PRKN: variants seen among roughly 807,000 people sequenced by gnomAD.
PRKN encodes the protein parkin RBR E3 ubiquitin protein ligase.
Under a neutral mutation model 59.5 loss-of-function variants are expected in PRKN, and 56 were observed. The observed-to-expected ratio is 0.94, with a 90% CI of 0.76 to 1.18. The LOEUF (loss-of-function observed/expected upper bound fraction) is 1.18. Among genes scored for constraint, PRKN ranks in the 50% most tolerant of loss-of-function variants. The pLI is 0.00. For missense variants in PRKN, 657 were observed against 596.4 expected (o/e 1.10, Z -1.06); for synonymous variants, 250 against 222.1 (o/e 1.13, Z -1.12).
intron 9 of PRKN, among the ~76,000 whole-genome samples, chr6:161,511,858 C>T (rs909252531): frequency 2.0e-5 from 3 of 151,920 alleles, no homozygotes; most frequent in Admixed American, 1.3e-4. Context: ...GTGCAGAAAA[C>T]ATTAGTCTGG....
intron 4 of PRKN, among the ~76,000 whole-genome samples, chr6:162,068,620 T>C (rs936198961): frequency 6.6e-6 from 1 of 152,212 alleles, no homozygotes; most frequent in Non-Finnish European, 1.5e-5. Flanking sequence ...TTCCTTGCCA[T>C]GTGAGCTTCC....
intron 1 of PRKN, among the ~76,000 whole-genome samples, chr6:162,687,017 A>AT (rs1347284419): frequency 1.3e-5 from 2 of 151,096 alleles, no homozygotes; most frequent in African/African-American, 4.9e-5. Flanking sequence ...TTTATTTTTT[A>AT]TTTTTTTGGT....
intron 7 of PRKN, among the ~76,000 whole-genome samples, chr6:161,700,714 G>C (rs1377288206): frequency 6.6e-6 from 1 of 152,172 alleles, no homozygotes; most frequent in Non-Finnish European, 1.5e-5. Flanking sequence ...TTCTTACTGA[G>C]AGGACATTTT....
At chr6:161,506,191 T>C (rs1778163120) in intron 9 of PRKN, among the ~76,000 whole-genome samples, 1 of 151,982 alleles carries the variant, frequency 6.6e-6, no homozygotes, top group Non-Finnish European at 1.5e-5. Flanking sequence ...TTGTATCCTC[T>C]TTAATTTCAT....
chr6:162,220,654 G>GA (rs1777884729), intron 3 of PRKN, among the ~76,000 whole-genome samples: 1 of 151,686 alleles, frequency 6.6e-6, no homozygotes, highest in Non-Finnish European at 1.5e-5. Flanking sequence ...ATCAATCAAC[G>GA]AAAAAAAAGT....
intron 2 of PRKN, among the ~76,000 whole-genome samples, chr6:162,335,168 C>A (rs1301387481): frequency 2.0e-5 from 3 of 151,740 alleles, no homozygotes; most frequent in Non-Finnish European, 4.4e-5. Context: ...TACACGGCAC[C>A]ACGTTTGGCT....
At chr6:162,225,884 C>CTATATATA (rs1778146989) in intron 3 of PRKN, among the ~76,000 whole-genome samples, 1 of 113,190 alleles carries the variant, frequency 8.8e-6, no homozygotes, top group Non-Finnish European at 1.8e-5. Flanking sequence ...TAATGTAGGG[C>CTATATATA]TGTATATATA....
At chr6:162,176,018 A>G (rs752486374) in intron 4 of PRKN, among the ~76,000 whole-genome samples, 1 of 152,220 alleles carries the variant, frequency 6.6e-6, no homozygotes, top group Non-Finnish European at 1.5e-5. Context: ...AATTAGTTGT[A>G]GAAAAGATCC....
chr6:161,695,072 GCTCCCAGGTCAACCCAGGT>G (rs1785962407), intron 7 of PRKN, among the ~76,000 whole-genome samples: 1 of 152,136 alleles, frequency 6.6e-6, no homozygotes, highest in Non-Finnish European at 1.5e-5. Flanking sequence ...CAGGCTACAG[GCTCCCAGGTCAACCCAGGT>G]GGCCTCTGAC....
chr6:162,088,160 CA>C (rs1779332747), intron 4 of PRKN, among the ~76,000 whole-genome samples: 10 of 152,024 alleles, frequency 6.6e-5, no homozygotes, highest in Admixed American at 6.6e-4. Flanking sequence ...GGCAAAGAAA[CA>C]AAAATAGTGA....
chr6:161,793,342 C>T (rs1325579183), intron 6 of PRKN, among the ~76,000 whole-genome samples: 1 of 152,102 alleles, frequency 6.6e-6, no homozygotes, highest in African/African-American at 2.4e-5. Flanking sequence ...GCCTCCTCTG[C>T]TCATGTTCTC....
chr6:161,518,137 C>T lies in PRKN; in HGVS notation c.1083+30717G>A, dbSNP rs549848388. On this transcript the variant is annotated intron_variant, in intron 9 of 11. Transcript: ENST00000366898. The surrounding 1 kb of genome is among the most constrained non-coding windows in gnomAD (Gnocchi z 5.0). ...AAGGCCACTGGCCTGGGGATGGGGC[C>T]GGGGGCACTCACTGCCTCCCTCACT... Among the ~76,000 whole-genome samples the T allele has an allele frequency of 1.8e-4, 27 of 152,234 alleles. No homozygotes were observed. Among genetic ancestry groups the T allele is most frequent in the African/African-American group, 6.0e-4 (25 of 41,530 alleles).
intron 4 of PRKN, among the ~76,000 whole-genome samples, chr6:162,102,804 G>A (rs911171032): frequency 6.9e-6 from 1 of 144,454 alleles, no homozygotes; most frequent in Non-Finnish European, 1.5e-5. Context: ...AGCACTTTGG[G>A]AGGCCGAGGC....
intron 6 of PRKN, among the ~76,000 whole-genome samples, chr6:161,916,368 A>G (rs564278990): frequency 6.6e-6 from 1 of 152,388 alleles, no homozygotes; most frequent in South Asian, 2.1e-4. Flanking sequence ...TTCCATAAGT[A>G]TACAATGTGT....
rs1562415784 is a variant in PRKN, at chr6:161,391,608, C to T, written c.1084-4731G>A. Among the ~76,000 whole-genome samples, 1 of 152,090 alleles carries T rather than the reference C, an allele frequency of 6.6e-6. No homozygotes were observed. The highest frequency in any genetic ancestry group is 2.1e-4 in the South Asian group (1 of 4,810). On this transcript the variant is annotated intron_variant, in intron 9 of 11. Transcript: ENST00000366898. This position sits in a 1 kb window ranked among gnomAD's most constrained non-coding sequence, Gnocchi z 4.9. ...GAGTTTATGTATTAACTTGGCTAGG[C>T]TATGGTCCTCAGTTACTCAAGCAGA...
chr6:162,075,462 T>A (rs1778783618), intron 4 of PRKN, among the ~76,000 whole-genome samples: 1 of 152,142 alleles, frequency 6.6e-6, no homozygotes, highest in African/African-American at 2.4e-5. Flanking sequence ...CTTGATCGCC[T>A]GCATTTATTT....
In PRKN at chr6:161,545,430, T is replaced by C. The variant is rs752847695; in HGVS notation, c.1083+3424A>G. The C allele has an allele frequency of 4.3e-6, 7 of 1,609,620 alleles. No homozygotes were observed. In the African/African-American group the frequency reaches 5.3e-5, roughly 12 times the overall value. On this transcript the variant is annotated intron_variant, in intron 9 of 11. Coordinates refer to ENST00000366898, the MANE Select transcript of PRKN (RefSeq NM_004562.3). The surrounding 1 kb of genome is among the most constrained non-coding windows in gnomAD (Gnocchi z 4.1). The stretch of plus-strand genomic sequence containing the variant: ...TGAGGCAGCTTATTTTGTTCTTCGT[T>C]GTCCATACTGTGAGAGCAAAGAGTA...
chr6:161,858,278 A>T (rs954127322), intron 6 of PRKN, among the ~76,000 whole-genome samples: 45 of 152,328 alleles, frequency 3.0e-4, no homozygotes, highest in African/African-American at 1.1e-3. Flanking sequence ...TGAAGCAAAA[A>T]CTGTTACGGG....
intron 1 of PRKN, among the ~76,000 whole-genome samples, chr6:162,719,034 A>G (rs1470241869): frequency 2.0e-5 from 3 of 152,160 alleles, no homozygotes; most frequent in South Asian, 4.1e-4. Flanking sequence ...TCCAATTCCA[A>G]TCATAGGTTG....
Sources: gnomAD v4.1 joint callset for allele counts (sites outside exome capture counted in the v4.1 genomes callset) on GRCh38, gnomAD v4.1.1 for gene constraint, Gnocchi (gnomAD v3.1) non-coding constraint, MANE v1.5 for transcripts, NCBI Gene and HGNC (gene_info 2026-07-23, HGNC 2026-07-21) for gene names.